The following ZNF558 variants were observed in gnomAD, a reference collection of about 807,000 sequenced individuals.
The protein encoded by ZNF558 is zinc finger protein 558.
Under a neutral mutation model 37.6 loss-of-function variants are expected in ZNF558, and 23 were observed. That is an observed-to-expected ratio of 0.61 (90% CI 0.44 to 0.87). ZNF558 has a LOEUF of 0.87. ZNF558 is among the 40% of genes least tolerant of loss of function. The probability of loss-of-function intolerance (pLI) is 0.00; values close to 1 mark genes in which losing one functional copy is unlikely to be tolerated. For synonymous variants in ZNF558, 189 were observed against 174.4 expected (o/e 1.08, Z -0.66); for missense variants, 429 against 483.7 (o/e 0.89, Z 1.06).
At chr19:8,815,877 T>C (rs2145210330) in intron 7 of ZNF558, among the ~76,000 whole-genome samples, 1 of 152,064 alleles carries the variant, frequency 6.6e-6, no homozygotes, top group South Asian at 2.1e-4. Context: ...CCATCGAACC[T>C]ACCAACATAT....
At chr19:8,816,322 C>T (rs1005295961) in intron 7 of ZNF558, among the ~76,000 whole-genome samples, 8 of 152,162 alleles carry the variant, frequency 5.3e-5, no homozygotes, top group Non-Finnish European at 7.3e-5. Flanking sequence ...CTCAGCCTCC[C>T]AAAGTGTTGG....
chr19:8,811,077 G>GT lies in ZNF558; in HGVS notation c.*203dup, dbSNP rs1555767652. On this transcript the variant is annotated 3_prime_UTR_variant, in exon 10 of 10. Coordinates refer to ENST00000601372, the MANE Select transcript of ZNF558 (RefSeq NM_144693.3). ...GTAAAGGCATGAGAGATCCTGCAGT[G>GT]TAACTACAGAGATAAGCTGTTCTTG... 1.9e-6 allele frequency: 1 copy of GT among 533,012 alleles called. No homozygotes were observed. The highest frequency in any genetic ancestry group is 1.9e-5 in the African/African-American group (1 of 52,196). 33.0% of individuals were successfully genotyped at this position (533,012 alleles called of 1,614,324 possible).
At chr19:8,814,446 G>A (rs1022179734) in intron 7 of ZNF558, among the ~76,000 whole-genome samples, 13 of 152,172 alleles carry the variant, frequency 8.5e-5, no homozygotes, top group Admixed American at 1.3e-4. Context: ...GAAAACAGTA[G>A]AAGCAAACAA....
At chr19:8,829,379 C>T (rs2044300768) in intron 2 of ZNF558, among the ~76,000 whole-genome samples, 1 of 152,142 alleles carries the variant, frequency 6.6e-6, no homozygotes, top group South Asian at 2.1e-4. Context: ...CGTAGCAACC[C>T]TCAATATAGA....
intron 2 of ZNF558, among the ~76,000 whole-genome samples, chr19:8,825,732 G>A (rs543741989): frequency 6.6e-6 from 1 of 152,086 alleles, no homozygotes; most frequent in East Asian, 1.9e-4. Context: ...GTGAGTTCGG[G>A]TTCCGTCAAA....
chr19:8,837,902 A>G, the ZNF558 span, among the ~76,000 whole-genome samples: 37 of 152,248 alleles, frequency 2.4e-4, no homozygotes, highest in African/African-American at 8.7e-4. Flanking sequence ...AAGATGGAGC[A>G]GGCAGAGTTC....
At chr19:8,813,077 C>T (rs1388759127) in intron 8 of ZNF558, 50 bp downstream of exon 8, 5 of 1,444,422 alleles carry the variant, frequency 3.5e-6, no homozygotes, top group Non-Finnish European at 4.8e-6. Context: ...ACCCCCAAGT[C>T]ACTGGCCAGA....
At position 8,822,555 on chromosome 19, in the gene ZNF558, C is replaced by A; in HGVS notation, c.31+74G>T. The A allele has an allele frequency of 6.2e-7, 1 of 1,605,682 alleles. No homozygotes were observed. Among genetic ancestry groups the A allele is most frequent in the Non-Finnish European group, 8.5e-7 (1 of 1,173,142 alleles). On this transcript the variant is annotated intron_variant, in intron 5 of 9. Transcript: ENST00000601372. This position sits in a 1 kb window ranked among gnomAD's most constrained non-coding sequence, Gnocchi z 4.4. ...CTGCCTCACCTGCTCTGCCCAACCC[C>A]GCTCGTGTCCCATGCTGTGGGTCAG...
intron 9 of ZNF558, 85 bp from the exon 10 acceptor site, chr19:8,812,148 TTC>T (rs1204536532): frequency 1.7e-6 from 2 of 1,202,320 alleles, no homozygotes; most frequent in Non-Finnish European, 2.2e-6. Flanking sequence ...CTCCCAGGAA[TTC>T]TGTTACATTA....
Position 8,822,954 on chromosome 19 carries a change from G to C in ZNF558, c.-65-230C>G. 1 of 452,300 alleles carries C rather than the reference G, an allele frequency of 2.2e-6. No homozygotes were observed. Among genetic ancestry groups the C allele is most frequent in the East Asian group, 3.8e-5 (1 of 26,632 alleles). The allele number at this position is 452,300 out of a possible 1,614,324, so 28.0% of individuals were successfully genotyped here. A position where few individuals can be genotyped will look rare whatever the true frequency, so the allele number is the denominator to read the frequency against. On this transcript the variant is annotated intron_variant, in intron 4 of 9. Transcript: ENST00000601372. This position sits in a 1 kb window ranked among gnomAD's most constrained non-coding sequence, Gnocchi z 4.4. ...AGTACCTCCCTGACCCACCCGCTTT[G>C]AGAACCTCGGCTTCACGCAGTCTCA...
In ZNF558 at chr19:8,826,088, T is replaced by C. The variant is rs559536515; in HGVS notation, c.-508-980A>G. On this transcript the variant is annotated intron_variant, in intron 2 of 9. Coordinates refer to ENST00000601372, the MANE Select transcript of ZNF558 (RefSeq NM_144693.3). ...GATGCTGCCCTGCTGGTGTTGATGATGGAGGAACAAGCCACAGTCAGGGAA... is the reference window on the plus strand; with the variant it reads ...GATGCTGCCCTGCTGGTGTTGATGACGGAGGAACAAGCCACAGTCAGGGAA... Among the ~76,000 whole-genome samples, 4 of 152,062 alleles carry C rather than the reference T, an allele frequency of 2.6e-5. No individual in the cohort carries two copies. The East Asian group carries it at 7.8e-4, about 30-fold the overall frequency.
rs183837897 is a variant in ZNF558 at position 8,822,464 on chromosome 19, A to G, written c.31+165T>C. Among the ~76,000 whole-genome samples, 1 of 152,298 alleles carries G rather than the reference A, an allele frequency of 6.6e-6. No homozygotes were observed. Among genetic ancestry groups the G allele is most frequent in the East Asian group, 1.9e-4 (1 of 5,180 alleles). ...GACATCCACAGACACCCAAATGCCT[A>G]AGTCCCAAATCCCGAGAGCTGCCCG... On this transcript the variant is annotated intron_variant, in intron 5 of 9. Transcript: ENST00000601372. This position sits in a 1 kb window ranked among gnomAD's most constrained non-coding sequence, Gnocchi z 4.4.
chr19:8,811,185 G>C lies in ZNF558; in HGVS notation c.*96C>G, dbSNP rs1336779945. 7.6e-7 allele frequency: 1 copy of C among 1,321,366 alleles called. No individual in the cohort carries two copies. The highest frequency in any genetic ancestry group is 1.0e-6 in the Non-Finnish European group (1 of 976,096). The allele number at this position is 1,321,366 out of a possible 1,614,324, so 81.9% of individuals were successfully genotyped here. On this transcript the variant is annotated 3_prime_UTR_variant, in exon 10 of 10. Coordinates refer to ENST00000601372, the MANE Select transcript of ZNF558 (RefSeq NM_144693.3). ...ATTTGCGGGGATCATTTGTTATGCT[G>C]CAACAAATAACTTATATATCCAGTG...
intron 7 of ZNF558, among the ~76,000 whole-genome samples, chr19:8,819,201 C>T (rs2044018929): frequency 6.6e-6 from 1 of 152,178 alleles, no homozygotes; most frequent in African/African-American, 2.4e-5. Context: ...TTTTTGTCTT[C>T]TGAGACGGAG....
intron 7 of ZNF558, among the ~76,000 whole-genome samples, chr19:8,814,601 A>G (rs572637124): frequency 7.4e-4 from 112 of 152,324 alleles, no homozygotes; most frequent in Non-Finnish European, 1.2e-3. Context: ...ATACCTGAGA[A>G]GGCACAAAAC....
chr19:8,812,671 T>G (rs1436857714), intron 8 of ZNF558, 28 bp from the exon 9 acceptor site: 1 of 1,490,794 alleles, frequency 6.7e-7, no homozygotes, highest in East Asian at 2.3e-5. Flanking sequence ...GAAATTTAGG[T>G]TGATGGAGAA....
rs192770868 is a variant in ZNF558, at chr19:8,812,330, C to G, written c.426+231G>C. 2.4e-3 allele frequency among the ~76,000 whole-genome samples: 362 copies of G among 152,270 alleles called. 1 individual carries two copies. The highest frequency in any genetic ancestry group is 8.4e-3 in the African/African-American group (349 of 41,534). On this transcript the variant is annotated intron_variant, in intron 9 of 9. Coordinates refer to ENST00000601372, the MANE Select transcript of ZNF558 (RefSeq NM_144693.3). ...TTTGTTCCAACAGTCAATATCTGAG[C>G]CACAGATAGGAAATATTTACTTGTG...
chr19:8,816,825 C>G (rs560166072), intron 7 of ZNF558, among the ~76,000 whole-genome samples: 2 of 152,096 alleles, frequency 1.3e-5, no homozygotes, highest in Admixed American at 1.3e-4. Flanking sequence ...AAGACAAAAG[C>G]ATAAATGATT....
Position 8,810,769 on chromosome 19 carries a change from T to C in ZNF558, c.*512A>G, listed in dbSNP as rs1475488800. The C allele has an allele frequency of 3.3e-5, 5 of 153,576 alleles. No individual in the cohort carries two copies. The highest frequency in any genetic ancestry group is 7.2e-5 in the Non-Finnish European group (5 of 69,102). 9.5% of individuals were successfully genotyped at this position (153,576 alleles called of 1,614,324 possible). A position where few individuals can be genotyped will look rare whatever the true frequency, so the allele number is the denominator to read the frequency against. On this transcript the variant is annotated 3_prime_UTR_variant, in exon 10 of 10. Coordinates refer to ENST00000601372, the MANE Select transcript of ZNF558 (RefSeq NM_144693.3). Reference sequence around the variant, plus strand: ...TTGGTGTGTTGTGAGACCAACACAATAGGAAATAAGTGAAAGCTTAGCAGT... The same window carrying C: ...TTGGTGTGTTGTGAGACCAACACAACAGGAAATAAGTGAAAGCTTAGCAGT...
Sources: allele counts gnomAD v4.1 joint callset (sites outside exome capture counted in the v4.1 genomes callset), GRCh38; gene constraint gnomAD v4.1.1; non-coding constraint Gnocchi (gnomAD v3.1); transcripts MANE v1.5; gene names NCBI Gene and HGNC (gene_info 2026-07-23, HGNC 2026-07-21).